Variants in CPD observed in about 807,000 individuals in gnomAD.
The protein encoded by CPD is metallocarboxypeptidase D.
In CPD, 69 loss-of-function variants were observed where a neutral mutation model predicts 138.3. That is an observed-to-expected ratio of 0.50 (90% CI 0.41 to 0.61). CPD has a LOEUF of 0.61. CPD is among the 20% of genes least tolerant of loss of function. The probability of loss-of-function intolerance (pLI) is 0.00; values close to 1 mark genes in which losing one functional copy is unlikely to be tolerated. For missense variants in CPD, 1,432 were observed against 1,733.3 expected, an observed-to-expected ratio of 0.83 and a Z score of 3.09; for synonymous variants, 651 against 642.1, an observed-to-expected ratio of 1.01 and a Z score of -0.21.
At chr17:30,416,178 C>T (rs2143397888) in intron 2 of CPD, among the ~76,000 whole-genome samples, 1 of 152,144 alleles carries the variant, frequency 6.6e-6, no homozygotes, top group Non-Finnish European at 1.5e-5. Context: ...AAAAAAAATA[C>T]AAAATTAGCC....
chr17:30,389,314 T>C (rs1911285763), intron 2 of CPD, among the ~76,000 whole-genome samples: 1 of 152,222 alleles, frequency 6.6e-6, no homozygotes, highest in Non-Finnish European at 1.5e-5. Flanking sequence ...CAAAAAGAGG[T>C]TTGACATACT....
chr17:30,429,186 A>T (rs1000289545), intron 7 of CPD, among the ~76,000 whole-genome samples: 1 of 152,202 alleles, frequency 6.6e-6, no homozygotes, highest in African/African-American at 2.4e-5. Flanking sequence ...GGCAAAATAA[A>T]TTTTTTGTTT....
chr17:30,424,925 C>T (rs2143421817), intron 6 of CPD, among the ~76,000 whole-genome samples: 1 of 152,298 alleles, frequency 6.6e-6, no homozygotes, highest in Middle Eastern at 3.4e-3. Flanking sequence ...CATTAGTACC[C>T]AGAAGTTGGT....
intron 2 of CPD, among the ~76,000 whole-genome samples, chr17:30,408,297 T>C (rs1440963965): frequency 6.6e-6 from 1 of 152,210 alleles, no homozygotes; most frequent in Non-Finnish European, 1.5e-5. Flanking sequence ...CAGGCTCTTA[T>C]TTGGTTCCAT....
At chr17:30,388,528 G>A (rs553614007) in intron 2 of CPD, among the ~76,000 whole-genome samples, 3 of 152,306 alleles carry the variant, frequency 2.0e-5, no homozygotes, top group South Asian at 2.1e-4. Flanking sequence ...GTGACAGTGC[G>A]CCGCCTCAGC....
Position 30,464,590 on chromosome 17 carries a change from G to A in CPD, c.3919G>A (p.Ala1307Thr). The A allele has an allele frequency of 6.2e-7, 1 of 1,613,186 alleles. No homozygotes were observed. ...ACATGATGGTTTTTGTTTGTCAGGT[G>A]CTACTATGTCGGCATTGATCCTAAC... ...PRELVVTVSG[A>T]TMSALILTAC... The change falls in exon 21 of 21, where the codon GCT (alanine) becomes ACT (threonine). Residue 1307 changes from alanine to threonine, a missense_variant and splice_region_variant. Around this residue, in one of 6 missense-constraint regions of CPD, gnomAD observed 366 missense variants for 518.8 expected, o/e 0.71. Transcript: ENST00000225719.
intron 2 of CPD, among the ~76,000 whole-genome samples, chr17:30,392,717 A>T (rs1009295978): frequency 2.0e-5 from 3 of 152,224 alleles, no homozygotes. Flanking sequence ...GTAGGAACAA[A>T]ACACCTTACA....
At chr17:30,426,622 A>G (rs548660173) in intron 6 of CPD, among the ~76,000 whole-genome samples, 2 of 152,370 alleles carry the variant, frequency 1.3e-5, no homozygotes, top group Admixed American at 1.3e-4. Flanking sequence ...GATGTTATCT[A>G]CAGGAGTAGT....
chr17:30,435,407 G>A (rs1361367888), intron 8 of CPD, among the ~76,000 whole-genome samples: 3 of 151,744 alleles, frequency 2.0e-5, no homozygotes, highest in Admixed American at 2.0e-4. Context: ...CAATTCAATA[G>A]GCAAAGAATA....
At chr17:30,400,652 C>A (rs200391618) in intron 2 of CPD, among the ~76,000 whole-genome samples, 1 of 57,588 alleles carries the variant, frequency 1.7e-5, no homozygotes, top group Admixed American at 2.7e-4. Context: ...TGCCATCATT[C>A]TTTTTTTTTT....
intron 2 of CPD, among the ~76,000 whole-genome samples, chr17:30,413,262 A>C (rs1038577707): frequency 6.6e-6 from 1 of 152,232 alleles, no homozygotes; most frequent in Non-Finnish European, 1.5e-5. Flanking sequence ...AAAGTTACCA[A>C]AGATGATTAT....
In CPD at chr17:30,445,762, G is replaced by C; in HGVS notation, c.2615G>C (p.Arg872Pro). The change falls in exon 12 of 21, where the codon CGA (arginine) becomes CCA (proline). Residue 872 changes from arginine to proline, a missense_variant. Coordinates refer to ENST00000225719, the MANE Select transcript of CPD (RefSeq NM_001304.5). The stretch of plus-strand genomic sequence containing the variant: ...ATTCAGGTCAACTTCACACTTGTTC[G>C]ATCCTCAACAGATTCAAACAATGAA... ...GAIQVNFTLV[R>P]SSTDSNNESK... 1.2e-6 allele frequency: 2 copies of C among 1,613,850 alleles called. No homozygotes were observed. Among genetic ancestry groups the C allele is most frequent in the East Asian group, 2.2e-5 (1 of 44,860 alleles).
intron 2 of CPD, among the ~76,000 whole-genome samples, chr17:30,414,594 A>AG (rs1912056557): frequency 6.6e-6 from 1 of 152,046 alleles, no homozygotes; most frequent in Non-Finnish European, 1.5e-5. Flanking sequence ...AAAAAAAAAA[A>AG]AAGAGTGATT....
chr17:30,449,616 A>G lies in CPD; in HGVS notation c.2937A>G (p.Val979=). 2 of 1,611,342 alleles carry G rather than the reference A, an allele frequency of 1.2e-6. No homozygotes were observed. The highest frequency in any genetic ancestry group is 2.2e-5 in the South Asian group (2 of 90,354). The change falls in exon 13 of 21, where the codon GTA becomes GTG. Residue 979 remains valine, a synonymous_variant. Transcript: ENST00000225719. ...TTGAAATCTCCAATAAGCCCAATGTATCTGAGCCTGAAGAACCAAAGATTC... is the reference window on the plus strand; with the variant it reads ...TTGAAATCTCCAATAAGCCCAATGTGTCTGAGCCTGAAGAACCAAAGATTC... The part of the protein sequence containing the change: ...WSLEISNKPN[V]SEPEEPKIRF...
At chr17:30,439,153 T>A (rs981615365) in intron 9 of CPD, 76 bp downstream of exon 9, 9 of 760,926 alleles carry the variant, frequency 1.2e-5, no homozygotes, top group Non-Finnish European at 1.7e-5. Flanking sequence ...CTTGTTATTA[T>A]CTTTTAGTTT....
Position 30,455,407 on chromosome 17 carries a change from T to C in CPD, c.3274T>C (p.Ser1092Pro). 1 of 1,613,968 alleles carries C rather than the reference T, an allele frequency of 6.2e-7. No homozygotes were observed. The highest frequency in any genetic ancestry group is 2.2e-5 in the East Asian group (1 of 44,838). The change falls in exon 15 of 21, where the codon TCT (serine) becomes CCT (proline). Residue 1092 changes from serine to proline, a missense_variant. Around this residue, in one of 6 missense-constraint regions of CPD, gnomAD observed 366 missense variants for 518.8 expected, o/e 0.71. Coordinates refer to ENST00000225719, the MANE Select transcript of CPD (RefSeq NM_001304.5). ...NLIQKQDFSL[S>P]VALDGGSMLV... ...GATTCAAAAACAGGACTTTAGTCTTTCTGTTGCCTTAGATGGTGGTTCCAT... is the reference window on the plus strand; with the variant it reads ...GATTCAAAAACAGGACTTTAGTCTTCCTGTTGCCTTAGATGGTGGTTCCAT...
Position 30,431,885 on chromosome 17 carries a change from G to A in CPD, c.2127+4G>A. Reference sequence around the variant, plus strand: ...AATAGCACTTTCTTATTCCAAGGTAGGCTTGTCTTTGAATATAAAATGTTA... The same window carrying A: ...AATAGCACTTTCTTATTCCAAGGTAAGCTTGTCTTTGAATATAAAATGTTA... On this transcript the variant is annotated splice_donor_region_variant and intron_variant, in intron 8 of 20. Coordinates refer to ENST00000225719, the MANE Select transcript of CPD (RefSeq NM_001304.5). 1 of 1,546,948 alleles carries A rather than the reference G, an allele frequency of 6.5e-7. No individual in the cohort carries two copies. The highest frequency in any genetic ancestry group is 8.9e-7 in the Non-Finnish European group (1 of 1,128,004).
Position 30,431,768 on chromosome 17 carries a change from A to T in CPD, c.2018-4A>T. On this transcript the variant is annotated splice_polypyrimidine_tract_variant and splice_region_variant and intron_variant, in intron 7 of 20. Transcript: ENST00000225719. ...ATGATACATTTTCCTCTTTTCCCTT[A>T]TAGGTTCTTTGGTGGTTAACTACCC... 1 of 1,593,560 alleles carries T rather than the reference A, an allele frequency of 6.3e-7. No individual in the cohort carries two copies. The highest frequency in any genetic ancestry group is 8.6e-7 in the Non-Finnish European group (1 of 1,162,980).
chr17:30,433,612 G>A (rs1402290803), intron 8 of CPD, among the ~76,000 whole-genome samples: 1 of 152,100 alleles, frequency 6.6e-6, no homozygotes. Flanking sequence ...ACGGCAATTT[G>A]CTATAGTCCA....
Sources: allele counts gnomAD v4.1 joint callset (sites outside exome capture counted in the v4.1 genomes callset), GRCh38; gene constraint gnomAD v4.1.1; regional missense constraint gnomAD v4.1.1; transcripts MANE v1.5; gene names NCBI Gene and HGNC (gene_info 2026-07-23, HGNC 2026-07-21).